PCSK6: variants seen among roughly 807,000 people sequenced by gnomAD.
The protein encoded by PCSK6 is paired basic amino acid cleaving enzyme 4.
Under a neutral mutation model 123.3 loss-of-function variants are expected in PCSK6, and 85 were observed. That is an observed-to-expected ratio of 0.69 (90% CI 0.58 to 0.83). PCSK6 has a LOEUF of 0.83. Among genes scored for constraint, PCSK6 ranks in the 40% least tolerant of loss-of-function variants. The pLI, the probability that PCSK6 is intolerant of heterozygous loss-of-function variation, is 0.00. For synonymous variants in PCSK6, 508 were observed against 516.0 expected, an observed-to-expected ratio of 0.98 and a Z score of 0.21; for missense variants, 1,191 against 1,282.3, an observed-to-expected ratio of 0.93 and a Z score of 1.09.
At chr15:101,483,321 T>C (rs1596178384) in intron 1 of PCSK6, among the ~76,000 whole-genome samples, 1 of 152,230 alleles carries the variant, frequency 6.6e-6, no homozygotes, top group African/African-American at 2.4e-5. Flanking sequence ...CATGACAATT[T>C]TCCTCTGCTG....
In PCSK6 at chr15:101,316,910, G is replaced by GTTTTTTTTTTTTTTTT. The variant is rs57613156; in HGVS notation, c.2569+1393_2569+1408dup. ...ACTGGTTTAGCAGAGACTTAATTCT[G>GTTTTTTTTTTTTTTTT]TTTTTTTTTTTTTTTTTTTGACAGA... is the stretch of plus-strand genomic sequence containing the variant. On this transcript the variant is annotated intron_variant, in intron 19 of 21. Transcript: ENST00000611716. Among the ~76,000 whole-genome samples, 35 of 114,962 alleles carry GTTTTTTTTTTTTTTTT rather than the reference G, an allele frequency of 3.0e-4. 6 individuals carry two copies. Among genetic ancestry groups the GTTTTTTTTTTTTTTTT allele is most frequent in the African/African-American group, 1.1e-3 (29 of 25,382 alleles). The allele number at this position is 114,962 out of a possible 152,430, so 75.4% of individuals were successfully genotyped here.
chr15:101,368,653 G>T (rs898212209), intron 12 of PCSK6, among the ~76,000 whole-genome samples: 2 of 152,144 alleles, frequency 1.3e-5, no homozygotes, highest in African/African-American at 4.8e-5. Context: ...TGAGTCAGGG[G>T]TCACAAACCT....
At chr15:101,442,982 A>C (rs371863182) in intron 2 of PCSK6, among the ~76,000 whole-genome samples, 311 of 152,320 alleles carry the variant, frequency 2.0e-3, no homozygotes, top group African/African-American at 6.9e-3. Flanking sequence ...TGGCCATCTT[A>C]AATTTTTAAT....
chr15:101,322,644 C>G (rs751798349), intron 17 of PCSK6, 37 bp from the exon 18 acceptor site: 1 of 1,309,386 alleles, frequency 7.6e-7, no homozygotes. Context: ...AGAGAAGGGA[C>G]GACACTGACA....
chr15:101,347,258 A>C (rs2040758689), intron 13 of PCSK6: 12 of 1,232,500 alleles, frequency 9.7e-6, no homozygotes, highest in Non-Finnish European at 1.2e-5. Context: ...CAAAATCTCA[A>C]CTCTTATCTT....
Position 101,366,303 on chromosome 15 carries a change from G to C in PCSK6, c.1751C>G (p.Thr584Arg), listed in dbSNP as rs2041387044. 3.7e-6 allele frequency: 6 copies of C among 1,613,086 alleles called. No homozygotes were observed. The African/African-American group carries it at 8.0e-5, about 22-fold the overall frequency. Residue 584 changes from threonine (T) to arginine (R), a missense_variant, in exon 13 of 22, where the codon ACA becomes AGA. By Grantham distance (71) the Thr-to-Arg change is moderately conservative. Around this residue, in one of 3 missense-constraint regions of PCSK6, gnomAD observed 630 missense variants for 631.4 expected, o/e 1.00. Transcript: ENST00000611716. ...RLLDLSNEGF[T>R]NWEFMTVHCW... ...GTGGACAGTCATGAATTCCCAGTTT[G>C]TAAACCCTTCATTGGAAAGATCCAG...
At chr15:101,392,301 C>A (rs753125812) in intron 8 of PCSK6, among the ~76,000 whole-genome samples, 1 of 152,260 alleles carries the variant, frequency 6.6e-6, no homozygotes, top group African/African-American at 2.4e-5. Context: ...TTAACCAGGC[C>A]GAGCTGCTAC....
At position 101,489,675 on chromosome 15, in the gene PCSK6, G is replaced by A; in HGVS notation, c.-5C>T. 5 of 975,096 alleles carry A rather than the reference G, an allele frequency of 5.1e-6. No homozygotes were observed. The highest frequency in any genetic ancestry group is 6.1e-6 in the Non-Finnish European group (5 of 823,612). 60.4% of individuals were successfully genotyped at this position (975,096 alleles called of 1,614,324 possible). On this transcript the variant is annotated 5_prime_UTR_variant, in exon 1 of 22. Coordinates refer to ENST00000611716, the MANE Select transcript of PCSK6 (RefSeq NM_002570.5). The stretch of plus-strand genomic sequence containing the variant: ...AGGCGGCGCGCGCGGAGGCATAGCG[G>A]CGACAGGCTCGCGCGGCGCCCGAGC...
At chr15:101,338,635 C>T (rs2040535768) in intron 13 of PCSK6, among the ~76,000 whole-genome samples, 1 of 152,214 alleles carries the variant, frequency 6.6e-6, no homozygotes, top group African/African-American at 2.4e-5. Context: ...ATTTACTATT[C>T]AAGATACTCT....
At position 101,386,678 on chromosome 15, in the gene PCSK6, C is replaced by G. The variant is rs144231462; in HGVS notation, c.1311-2253G>C. ...TCATAATCTGTATCCGAATCTCCTTCCTTTCAAGGCTGAATGTTCCACGTG... is the reference window on the plus strand; with the variant it reads ...TCATAATCTGTATCCGAATCTCCTTGCTTTCAAGGCTGAATGTTCCACGTG... On this transcript the variant is annotated intron_variant, in intron 9 of 21. Transcript: ENST00000611716. Among the ~76,000 whole-genome samples the G allele has an allele frequency of 3.0e-3, 457 of 152,346 alleles. 5 individuals are homozygous for G. Among genetic ancestry groups the G allele is most frequent in the African/African-American group, 0.011 (440 of 41,580 alleles).
chr15:101,445,442 G>C (rs28426082), intron 1 of PCSK6, among the ~76,000 whole-genome samples: 1 of 152,106 alleles, frequency 6.6e-6, no homozygotes. Flanking sequence ...CTCGATACAC[G>C]GTTTTCCGCA....
chr15:101,365,630 G>T (rs75288149), intron 13 of PCSK6, among the ~76,000 whole-genome samples: 4,262 of 152,224 alleles, frequency 0.028, 135 homozygotes, highest in East Asian at 0.11. Flanking sequence ...TGTACTATTT[G>T]TAACAGCTAA....
At chr15:101,317,227 C>T (rs1177562704) in intron 19 of PCSK6, among the ~76,000 whole-genome samples, 1 of 152,126 alleles carries the variant, frequency 6.6e-6, no homozygotes, top group African/African-American at 2.4e-5. Flanking sequence ...AGACTTAATT[C>T]TTAAAGTATT....
chr15:101,418,642 A>G (rs2055975198), intron 6 of PCSK6, among the ~76,000 whole-genome samples: 1 of 151,376 alleles, frequency 6.6e-6, no homozygotes, highest in Non-Finnish European at 1.5e-5. Context: ...CCTCCCGAGT[A>G]GCTGGGATTA....
intron 6 of PCSK6, among the ~76,000 whole-genome samples, chr15:101,401,016 T>C (rs1042718491): frequency 1.3e-5 from 2 of 152,160 alleles, no homozygotes; most frequent in Non-Finnish European, 2.9e-5. Flanking sequence ...GGTAGGATAG[T>C]TGGTGGTGGG....
chr15:101,372,341 C>T (rs1474127978), intron 11 of PCSK6, among the ~76,000 whole-genome samples: 1 of 152,222 alleles, frequency 6.6e-6, no homozygotes, highest in Non-Finnish European at 1.5e-5. Flanking sequence ...AGGAGTTACA[C>T]TGCTTGGCTC....
chr15:101,453,558 A>G (rs2057092235), intron 1 of PCSK6, among the ~76,000 whole-genome samples: 2 of 152,310 alleles, frequency 1.3e-5, no homozygotes, highest in South Asian at 4.1e-4. Context: ...GAACTCTTCC[A>G]GAGAAGCCAG....
In PCSK6 at chr15:101,382,216, A is replaced by T; in HGVS notation, c.1415-7T>A. On this transcript the variant is annotated splice_polypyrimidine_tract_variant and splice_region_variant and intron_variant, in intron 10 of 21. Coordinates refer to ENST00000611716, the MANE Select transcript of PCSK6 (RefSeq NM_002570.5). ...AATCCATAGAAATGGCTAACTGAAA[A>T]GACAGGCCCTTCAGAGCCAGGCTCT... 6.3e-7 allele frequency: 1 copy of T among 1,598,334 alleles called. No individual in the cohort carries two copies. Among genetic ancestry groups the T allele is most frequent in the African/African-American group, 1.3e-5 (1 of 74,752 alleles).
At chr15:101,370,106 GT>G (rs1182441094) in intron 12 of PCSK6, among the ~76,000 whole-genome samples, 2 of 152,246 alleles carry the variant, frequency 1.3e-5, no homozygotes, top group African/African-American at 4.8e-5. Context: ...GAAAAGGAAA[GT>G]TTTCCAGGAC....
Sources: gnomAD v4.1 joint callset for allele counts (sites outside exome capture counted in the v4.1 genomes callset) on GRCh38, gnomAD v4.1.1 for gene constraint, gnomAD v4.1.1 regional missense constraint, MANE v1.5 for transcripts, NCBI Gene and HGNC (gene_info 2026-07-23, HGNC 2026-07-21) for gene names.